The following ST8SIA5 variants were observed in gnomAD, a reference collection of about 807,000 sequenced individuals.
ST8SIA5 encodes ST8 alpha-N-acetyl-neuraminide alpha-2,8-sialyltransferase 5.
Under a neutral mutation model 40.2 loss-of-function variants are expected in ST8SIA5, and 24 were observed. The observed-to-expected ratio is 0.60, with a 90% CI of 0.43 to 0.84. The LOEUF is 0.84. ST8SIA5 is among the 40% of genes least tolerant of loss of function. ST8SIA5 has a pLI of 0.00. For synonymous variants in ST8SIA5, 198 were observed against 201.8 expected (o/e 0.98, Z 0.16); for missense variants, 465 against 498.5 (o/e 0.93, Z 0.64).
rs1387125106 is a variant in ST8SIA5, at chr18:46,676,999, G to A, written c.*3043C>T. On this transcript the variant is annotated 3_prime_UTR_variant, in exon 7 of 7. Transcript: ENST00000315087. ...AGTCATTCGTGTTGTCACTTAACAT[G>A]TGCTATCTCTGGGCATCTTTCCTCA... 1.3e-5 allele frequency: 2 copies of A among 152,192 alleles called. No individual in the cohort carries two copies. Among genetic ancestry groups the A allele is most frequent in the Non-Finnish European group, 2.9e-5 (2 of 68,046 alleles). The allele number at this position is 152,192 out of a possible 1,614,324, so 9.4% of individuals were successfully genotyped here.
intron 1 of ST8SIA5, among the ~76,000 whole-genome samples, chr18:46,730,544 C>T (rs1299130207): frequency 2.0e-5 from 3 of 152,134 alleles, no homozygotes; most frequent in African/African-American, 7.2e-5. Flanking sequence ...TTTATACATG[C>T]TTGCATTACT....
rs149903366 is a variant in ST8SIA5 at position 46,707,258 on chromosome 18, G to C, written c.132-2594C>G. On this transcript the variant is annotated intron_variant, in intron 1 of 6. Coordinates refer to ENST00000315087, the MANE Select transcript of ST8SIA5 (RefSeq NM_013305.6). ...AAAAGGTCCAGATTCAAATGATGCA[G>C]GAAATCATTAGGTCGAGACTTATCC... Among the ~76,000 whole-genome samples, 199 of 152,320 alleles carry C rather than the reference G, an allele frequency of 1.3e-3. 1 individual carries two copies. The highest frequency in any genetic ancestry group is 2.2e-3 in the Non-Finnish European group (147 of 68,030).
intron 1 of ST8SIA5, among the ~76,000 whole-genome samples, chr18:46,744,465 C>T (rs1391339079): frequency 2.0e-5 from 3 of 151,998 alleles, no homozygotes; most frequent in East Asian, 1.9e-4. Flanking sequence ...AAAGAGACAA[C>T]GAAGGTCATT....
At chr18:46,706,381 G>A (rs899135348) in intron 1 of ST8SIA5, among the ~76,000 whole-genome samples, 2 of 152,096 alleles carry the variant, frequency 1.3e-5, no homozygotes, top group Non-Finnish European at 2.9e-5. Flanking sequence ...TACCCGGCTC[G>A]AGTAACCACA....
intron 2 of ST8SIA5, among the ~76,000 whole-genome samples, chr18:46,704,130 C>A (rs1313592423): frequency 6.6e-6 from 1 of 152,170 alleles, no homozygotes; most frequent in African/African-American, 2.4e-5. Flanking sequence ...AATTTTGTAT[C>A]ACCTAAATAA....
chr18:46,718,347 A>G (rs1397871551), intron 1 of ST8SIA5, among the ~76,000 whole-genome samples: 2 of 146,764 alleles, frequency 1.4e-5, no homozygotes, highest in African/African-American at 2.5e-5. Context: ...AAAAAAAAAG[A>G]AAAAAAATTA....
At chr18:46,731,133 G>A (rs1287738413) in intron 1 of ST8SIA5, among the ~76,000 whole-genome samples, 1 of 152,236 alleles carries the variant, frequency 6.6e-6, no homozygotes, top group Non-Finnish European at 1.5e-5. Context: ...GTAGCTGCCT[G>A]GTTATGTCAA....
Position 46,674,536 on chromosome 18 carries a change from C to A in ST8SIA5, c.*5506G>T, listed in dbSNP as rs564648484. ...CTGAACTGCTGGAGTCCCCCAGGAA[C>A]CAGAGACCTCATTACTGTAGTAAAC... On this transcript the variant is annotated 3_prime_UTR_variant, in exon 7 of 7. Coordinates refer to ENST00000315087, the MANE Select transcript of ST8SIA5 (RefSeq NM_013305.6). 33 of 152,350 alleles carry A rather than the reference C, an allele frequency of 2.2e-4. No homozygotes were observed. Among genetic ancestry groups the A allele is most frequent in the African/African-American group, 6.5e-4 (27 of 41,570 alleles). The allele number at this position is 152,350 out of a possible 1,614,324, so 9.4% of individuals were successfully genotyped here. A position where few individuals can be genotyped will look rare whatever the true frequency, so the allele number is the denominator to read the frequency against.
intron 2 of ST8SIA5, among the ~76,000 whole-genome samples, chr18:46,694,054 G>C (rs1280632840): frequency 6.6e-6 from 1 of 152,152 alleles, no homozygotes; most frequent in Non-Finnish European, 1.5e-5. Context: ...GCTGTTGAAG[G>C]TTCCACTGAG....
rs142792249 is a variant in ST8SIA5, at chr18:46,671,733, A to T, written c.*8309T>A. The T allele has an allele frequency of 9.2e-5, 14 of 152,362 alleles. No homozygotes were observed. In the East Asian group the frequency reaches 2.5e-3, roughly 27 times the overall value. 9.4% of individuals were successfully genotyped at this position (152,362 alleles called of 1,614,324 possible). Reference sequence around the variant, plus strand: ...GAAATCTATGTTACTTTGCTTTAAAAATATGTCATAATATTTATCTGAATG... The same window carrying T: ...GAAATCTATGTTACTTTGCTTTAAATATATGTCATAATATTTATCTGAATG... On this transcript the variant is annotated 3_prime_UTR_variant, in exon 7 of 7. Coordinates refer to ENST00000315087, the MANE Select transcript of ST8SIA5 (RefSeq NM_013305.6).
At chr18:46,752,859 C>A (rs1258525738) in intron 1 of ST8SIA5, among the ~76,000 whole-genome samples, 2 of 152,212 alleles carry the variant, frequency 1.3e-5, no homozygotes, top group African/African-American at 4.8e-5. Context: ...CTGCTCCCTG[C>A]AACAAGTTCT....
chr18:46,691,820 A>G (rs1345903223), intron 3 of ST8SIA5: 3 of 292,978 alleles, frequency 1.0e-5, no homozygotes, highest in Admixed American at 8.6e-5. Flanking sequence ...GCTATAGAGG[A>G]TGCGTAATGC....
chr18:46,740,183 A>G (rs889350666), intron 1 of ST8SIA5, among the ~76,000 whole-genome samples: 1 of 152,160 alleles, frequency 6.6e-6, no homozygotes, highest in African/African-American at 2.4e-5. Context: ...AAATTGATGA[A>G]TAGTCTGGCA....
At position 46,669,599 on chromosome 18, in the gene ST8SIA5, C is replaced by G. The variant is rs970355761; in HGVS notation, c.*10443G>C. 1 of 152,212 alleles carries G rather than the reference C, an allele frequency of 6.6e-6. No individual in the cohort carries two copies. Among genetic ancestry groups the G allele is most frequent in the Non-Finnish European group, 1.5e-5 (1 of 68,150 alleles). The allele number at this position is 152,212 out of a possible 1,614,324, so 9.4% of individuals were successfully genotyped here. A position where few individuals can be genotyped will look rare whatever the true frequency, so the allele number is the denominator to read the frequency against. ...ACCCTCCTGCCCCACACAATAAGGA[C>G]AACACAAGCAGAATCAGAGGTGCAG... On this transcript the variant is annotated 3_prime_UTR_variant, in exon 7 of 7. Coordinates refer to ENST00000315087, the MANE Select transcript of ST8SIA5 (RefSeq NM_013305.6).
chr18:46,736,171 T>C (rs915217642), intron 1 of ST8SIA5, among the ~76,000 whole-genome samples: 3 of 152,198 alleles, frequency 2.0e-5, no homozygotes, highest in Non-Finnish European at 2.9e-5. Flanking sequence ...TTTTGTATTA[T>C]GTCTTCGAAA....
intron 2 of ST8SIA5, among the ~76,000 whole-genome samples, chr18:46,698,834 G>A (rs1339606690): frequency 2.6e-5 from 4 of 152,146 alleles, no homozygotes; most frequent in South Asian, 2.1e-4. Context: ...AACCCTAAAG[G>A]GAATGCCTGA....
chr18:46,749,500 T>C (rs1599156996), intron 1 of ST8SIA5, among the ~76,000 whole-genome samples: 3 of 152,112 alleles, frequency 2.0e-5, no homozygotes, highest in Admixed American at 2.0e-4. Flanking sequence ...TATTAAGGTA[T>C]AATGGTAGTA....
chr18:46,728,601 C>T (rs1263139328), intron 1 of ST8SIA5, among the ~76,000 whole-genome samples: 1 of 152,230 alleles, frequency 6.6e-6, no homozygotes, highest in Non-Finnish European at 1.5e-5. Context: ...CTGCTCAACC[C>T]AGTGGGGCAC....
rs2039332868 is a variant in ST8SIA5 at position 46,675,316 on chromosome 18, G to A, written c.*4726C>T. 1 of 152,232 alleles carries A rather than the reference G, an allele frequency of 6.6e-6. No homozygotes were observed. Among genetic ancestry groups the A allele is most frequent in the African/African-American group, 2.4e-5 (1 of 41,458 alleles). The allele number at this position is 152,232 out of a possible 1,614,324, so 9.4% of individuals were successfully genotyped here. ...TTCACTTAGCTTTGCAACAGCTGTT[G>A]TGGTTGGTATCCTGTCCTCATTTCA... is the stretch of plus-strand genomic sequence containing the variant. On this transcript the variant is annotated 3_prime_UTR_variant, in exon 7 of 7. Coordinates refer to ENST00000315087, the MANE Select transcript of ST8SIA5 (RefSeq NM_013305.6).
Sources: allele counts gnomAD v4.1 joint callset (sites outside exome capture counted in the v4.1 genomes callset), GRCh38; gene constraint gnomAD v4.1.1; transcripts MANE v1.5; gene names NCBI Gene and HGNC (gene_info 2026-07-23, HGNC 2026-07-21).